MARCHF5: variants seen among roughly 807,000 people sequenced by gnomAD.
MARCHF5 encodes membrane associated ring-CH-type finger 5.
MARCHF5 carries 5 observed loss-of-function variants against 36.5 expected under a neutral mutation model. The ratio of observed to expected loss-of-function variants is 0.14; its 90% confidence interval spans 0.07 to 0.29. The LOEUF (loss-of-function observed/expected upper bound fraction) is 0.29. Among genes scored for constraint, MARCHF5 ranks in the 10% least tolerant of loss-of-function variants. The probability of loss-of-function intolerance (pLI) is 1.00; values close to 1 mark genes in which losing one functional copy is unlikely to be tolerated. For missense variants in MARCHF5, 179 were observed against 336.3 expected (o/e 0.53, Z 3.66); for synonymous variants, 103 against 109.9 (o/e 0.94, Z 0.39).
In MARCHF5 at chr10:92,321,078, A is replaced by C. The variant is rs151034338; in HGVS notation, c.238+9741A>C. Among the ~76,000 whole-genome samples, 848 of 152,218 alleles carry C rather than the reference A, an allele frequency of 5.6e-3. 6 individuals carry two copies. The highest frequency in any genetic ancestry group is 0.01 in the Middle Eastern group (3 of 294). On this transcript the variant is annotated intron_variant, in intron 2 of 5. Transcript: ENST00000358935. The stretch of plus-strand genomic sequence containing the variant: ...TATTCAATACAGTAACATGCTGTGC[A>C]GGTTTGTAGGCTAAGAGCAGTAGGC...
intron 2 of MARCHF5, among the ~76,000 whole-genome samples, chr10:92,325,163 T>G (rs1217739291): frequency 2.0e-5 from 3 of 151,874 alleles, no homozygotes; most frequent in Non-Finnish European, 2.9e-5. Context: ...TGAGACCCTG[T>G]CTCTACAAAA....
intron 2 of MARCHF5, among the ~76,000 whole-genome samples, chr10:92,316,140 C>T (rs531525359): frequency 6.6e-6 from 1 of 152,170 alleles, no homozygotes; most frequent in South Asian, 2.1e-4. Flanking sequence ...ATGGGATGAT[C>T]TCTATGCAGC....
At position 92,347,122 on chromosome 10, in the gene MARCHF5, T is replaced by C. The variant is rs1037094874; in HGVS notation, c.370-2227T>C. Among the ~76,000 whole-genome samples the C allele has an allele frequency of 6.6e-5, 10 of 152,274 alleles. No homozygotes were observed. In the East Asian group the frequency reaches 1.9e-3, roughly 29 times the overall value. On this transcript the variant is annotated intron_variant, in intron 3 of 5. Coordinates refer to ENST00000358935, the MANE Select transcript of MARCHF5 (RefSeq NM_017824.5). ...TACTCAGGAGGGTGAGGTGGGAAGA[T>C]TGCTTGAGCCCAGGAGTACAAAGCC...
chr10:92,314,690 G>A (rs1219379345), intron 2 of MARCHF5, among the ~76,000 whole-genome samples: 1 of 147,846 alleles, frequency 6.8e-6, no homozygotes, highest in Non-Finnish European at 1.5e-5. Context: ...GGTATTGTTA[G>A]CATATTTCCT....
In MARCHF5 at chr10:92,349,660, T is replaced by G. The variant is rs539112761; in HGVS notation, c.554-11T>G. The G allele has an allele frequency of 1.5e-5, 24 of 1,611,654 alleles. No individual in the cohort carries two copies. Among genetic ancestry groups the G allele is most frequent in the Non-Finnish European group, 2.0e-5 (24 of 1,179,238 alleles). ...TTATTAGCACTAACGCACTGCATTT[T>G]TTTCCTCTAGGGATAGGTTGTCCTG... On this transcript the variant is annotated splice_polypyrimidine_tract_variant and intron_variant, in intron 4 of 5. Transcript: ENST00000358935.
chr10:92,324,304 T>A (rs1843327815), intron 2 of MARCHF5, among the ~76,000 whole-genome samples: 1 of 152,198 alleles, frequency 6.6e-6, no homozygotes, highest in South Asian at 2.1e-4. Flanking sequence ...AGATCTTTTC[T>A]CCTTGGTTGT....
At chr10:92,332,005 A>T (rs1843442642) in intron 2 of MARCHF5, among the ~76,000 whole-genome samples, 2 of 147,106 alleles carry the variant, frequency 1.4e-5, no homozygotes, top group Non-Finnish European at 3.0e-5. Context: ...ATCTGCTTTG[A>T]CCTGAAGTCT....
chr10:92,331,017 A>C (rs1178934708), intron 2 of MARCHF5, among the ~76,000 whole-genome samples: 3 of 152,198 alleles, frequency 2.0e-5, no homozygotes. Flanking sequence ...TTTATAACTC[A>C]TTGTTCTTTT....
chr10:92,350,676 C>T (rs530062491), intron 5 of MARCHF5, among the ~76,000 whole-genome samples: 1 of 152,310 alleles, frequency 6.6e-6, no homozygotes, highest in East Asian at 1.9e-4. Context: ...TGAGTTTACT[C>T]ACATCCTGCA....
At chr10:92,311,010 T>TTAA in intron 1 of MARCHF5, 125 bp from the exon 2 acceptor site, 1 of 680,796 alleles carries the variant, frequency 1.5e-6, no homozygotes, top group South Asian at 2.0e-5. Context: ...CCTTAGTCTT[T>TTAA]TAATATAGGA....
intron 1 of MARCHF5, among the ~76,000 whole-genome samples, chr10:92,306,067 A>G (rs981037624): frequency 6.6e-6 from 1 of 152,264 alleles, no homozygotes; most frequent in Non-Finnish European, 1.5e-5. Flanking sequence ...CCAAAAATCT[A>G]CTGCTTTATG....
chr10:92,349,104 C>T (rs1843688801), intron 3 of MARCHF5, among the ~76,000 whole-genome samples: 1 of 152,150 alleles, frequency 6.6e-6, no homozygotes, highest in African/African-American at 2.4e-5. Flanking sequence ...TGTAATCAGT[C>T]TGGGTCAGCC....
At chr10:92,317,778 T>TCTCG (rs1843230840) in intron 2 of MARCHF5, among the ~76,000 whole-genome samples, 2 of 151,012 alleles carry the variant, frequency 1.3e-5, no homozygotes. Flanking sequence ...TGAGGCACAG[T>TCTCG]CTCGCTCTGT....
chr10:92,347,210 G>A lies in MARCHF5; in HGVS notation c.370-2139G>A, dbSNP rs372505645. ...CTTTAAAGGAATTTCCTGGCCGGGC[G>A]TGGTGGGTCACGCCTATAATCCCAG... On this transcript the variant is annotated intron_variant, in intron 3 of 5. Transcript: ENST00000358935. 5.9e-5 allele frequency among the ~76,000 whole-genome samples: 9 copies of A among 152,146 alleles called. No individual in the cohort carries two copies. In the South Asian group the frequency reaches 8.3e-4, roughly 14 times the overall value.
chr10:92,327,535 T>G (rs1440044955), intron 2 of MARCHF5, among the ~76,000 whole-genome samples: 1 of 152,136 alleles, frequency 6.6e-6, no homozygotes, highest in African/African-American at 2.4e-5. Context: ...TGACTAGAAA[T>G]AGAATTACTG....
chr10:92,313,890 C>G (rs1178104275), intron 2 of MARCHF5, among the ~76,000 whole-genome samples: 1 of 151,578 alleles, frequency 6.6e-6, no homozygotes, highest in Non-Finnish European at 1.5e-5. Flanking sequence ...GAGACCCTGT[C>G]TGAACAACAA....
At chr10:92,325,234 T>C (rs1333771243) in intron 2 of MARCHF5, among the ~76,000 whole-genome samples, 1 of 152,116 alleles carries the variant, frequency 6.6e-6, no homozygotes, top group East Asian at 1.9e-4. Flanking sequence ...CTCTGCTAGC[T>C]CAGGAGGCTG....
chr10:92,296,537 G>A (rs1230456591), intron 1 of MARCHF5, among the ~76,000 whole-genome samples: 1 of 152,140 alleles, frequency 6.6e-6, no homozygotes, highest in Non-Finnish European at 1.5e-5. Flanking sequence ...ACAATGCAAA[G>A]AATATTATAA....
At chr10:92,349,567 C>A in intron 4 of MARCHF5, 35 bp downstream of exon 4, 1 of 1,597,626 alleles carries the variant, frequency 6.3e-7, no homozygotes, top group Non-Finnish European at 8.5e-7. Context: ...AAGTGCATAC[C>A]AAATTGATCT....
Sources: gnomAD v4.1 joint callset for allele counts (sites outside exome capture counted in the v4.1 genomes callset) on GRCh38, gnomAD v4.1.1 for gene constraint, MANE v1.5 for transcripts, NCBI Gene and HGNC (gene_info 2026-07-23, HGNC 2026-07-21) for gene names.